The following TUSC3 variants were observed in gnomAD, a reference collection of about 807,000 sequenced individuals.
TUSC3 encodes dolichyl-diphosphooligosaccharide--protein glycosyltransferase subunit TUSC3.
A neutral mutation model predicts 44.8 loss-of-function variants in TUSC3; 45 were observed. The ratio of observed to expected loss-of-function variants is 1.00; its 90% CI spans 0.79 to 1.29. The LOEUF is 1.29. Ranked by LOEUF, TUSC3 falls within the 50% of genes most tolerant of loss-of-function variation. The pLI is 0.00. For synonymous variants in TUSC3, 212 were observed against 152.9 expected, an observed-to-expected ratio of 1.39 and a Z score of -2.85; for missense variants, 519 against 437.9, an observed-to-expected ratio of 1.19 and a Z score of -1.65.
At chr8:15,550,410 C>T (rs1344114738) in intron 1 of TUSC3, among the ~76,000 whole-genome samples, 2 of 151,566 alleles carry the variant, frequency 1.3e-5, no homozygotes, top group Non-Finnish European at 2.9e-5. Context: ...TGTGATTTTA[C>T]AAAATATTGC....
intron 1 of TUSC3, among the ~76,000 whole-genome samples, chr8:15,433,571 T>C (rs555230516): frequency 2.0e-4 from 31 of 151,882 alleles, no homozygotes; most frequent in African/African-American, 7.0e-4. Context: ...TTCACACGTA[T>C]ACACACACAT....
intron 1 of TUSC3, among the ~76,000 whole-genome samples, chr8:15,426,636 G>A (rs28786079): frequency 0.14 from 21,612 of 152,096 alleles, 1,651 homozygotes; most frequent in Middle Eastern, 0.21. Context: ...CCATTCTTCT[G>A]TCAATGGACA....
the TUSC3 span, among the ~76,000 whole-genome samples, chr8:15,793,896 A>G: frequency 2.0e-5 from 3 of 152,186 alleles, no homozygotes; most frequent in African/African-American, 7.2e-5. Flanking sequence ...AAGTATCTCC[A>G]TAATGGGGAA....
intron 10 of TUSC3, among the ~76,000 whole-genome samples, chr8:15,759,653 A>T (rs985281278): frequency 6.6e-6 from 1 of 152,048 alleles, no homozygotes; most frequent in African/African-American, 2.4e-5. Flanking sequence ...TTAGTTGACA[A>T]GCCCCTCTTG....
At chr8:15,457,646 C>G (rs1800274811) in intron 1 of TUSC3, among the ~76,000 whole-genome samples, 1 of 149,830 alleles carries the variant, frequency 6.7e-6, no homozygotes, top group South Asian at 2.1e-4. Context: ...ATTCAAAAGC[C>G]TATCCATAGG....
intron 1 of TUSC3, among the ~76,000 whole-genome samples, chr8:15,440,870 C>T (rs1800012411): frequency 6.6e-6 from 1 of 152,100 alleles, no homozygotes; most frequent in South Asian, 2.1e-4. Flanking sequence ...ACTGCCTCCC[C>T]AGATAGAGAG....
chr8:15,701,150 A>T (rs928897011), intron 6 of TUSC3, among the ~76,000 whole-genome samples: 14 of 152,156 alleles, frequency 9.2e-5, no homozygotes, highest in Admixed American at 4.6e-4. Flanking sequence ...AAATAGCGTA[A>T]TACACAGATC....
At chr8:15,819,386 T>G in the TUSC3 span, among the ~76,000 whole-genome samples, 1 of 16,252 alleles carries the variant, frequency 6.2e-5, no homozygotes, top group South Asian at 2.3e-3. Context: ...TTGGTTTTAT[T>G]GAATTTTCTA....
intron 6 of TUSC3, among the ~76,000 whole-genome samples, chr8:15,720,201 T>TACACACACACACACACACAC (rs60082069): frequency 6.4e-4 from 91 of 141,690 alleles, no homozygotes; most frequent in African/African-American, 2.0e-3. Context: ...TATATATATA[T>TACACACACACACACACACAC]ACACACACAC....
At chr8:15,633,032 C>G (rs914024425) in intron 2 of TUSC3, among the ~76,000 whole-genome samples, 1 of 152,106 alleles carries the variant, frequency 6.6e-6, no homozygotes, top group Non-Finnish European at 1.5e-5. Context: ...CGCTTTACTG[C>G]TGAGGTAGTA....
upstream of TUSC3, among the ~76,000 whole-genome samples, chr8:15,537,079 G>A (rs996604219): frequency 2.0e-5 from 3 of 152,088 alleles, no homozygotes; most frequent in African/African-American, 7.2e-5. Context: ...GATCCAGTAA[G>A]ATAATCAACT....
intron 1 of TUSC3, among the ~76,000 whole-genome samples, chr8:15,480,517 G>T (rs1800643968): frequency 6.6e-6 from 1 of 152,172 alleles, no homozygotes; most frequent in South Asian, 2.1e-4. Context: ...AATGTTAATA[G>T]CAGGAACTCT....
In TUSC3 at chr8:15,603,594, TA is replaced by T. The variant is rs201887415; in HGVS notation, c.139-19481del. Among the ~76,000 whole-genome samples the T allele has an allele frequency of 1.8e-3, 280 of 151,804 alleles. 8 individuals are homozygous for T. The East Asian group carries it at 0.051, about 27-fold the overall frequency. On this transcript the variant is annotated intron_variant, in intron 1 of 10. Coordinates refer to ENST00000503731, the MANE Select transcript of TUSC3 (RefSeq NM_006765.4). ...ATATTGAAATATCATTATTACAATA[TA>T]AAAATATGATATGGTAATATTTTTA... is the stretch of plus-strand genomic sequence containing the variant.
chr8:15,760,488 C>A (rs1812127051), intron 10 of TUSC3, among the ~76,000 whole-genome samples: 1 of 152,038 alleles, frequency 6.6e-6, no homozygotes, highest in African/African-American at 2.4e-5. Context: ...TTTCAGTACA[C>A]CCTGTGGTTT....
intron 1 of TUSC3, among the ~76,000 whole-genome samples, chr8:15,430,010 A>C (rs538641801): frequency 1.3e-5 from 2 of 151,602 alleles, no homozygotes; most frequent in African/African-American, 4.9e-5. Flanking sequence ...AAAAAAATCC[A>C]GGACCAGATG....
intron 1 of TUSC3, among the ~76,000 whole-genome samples, chr8:15,594,316 A>C (rs989190559): frequency 1.3e-5 from 2 of 152,088 alleles, no homozygotes; most frequent in African/African-American, 4.8e-5. Flanking sequence ...GAGCATGTAG[A>C]TTACAGCTTA....
intron 1 of TUSC3, among the ~76,000 whole-genome samples, chr8:15,430,902 C>A (rs921236607): frequency 6.6e-6 from 1 of 151,742 alleles, no homozygotes; most frequent in African/African-American, 2.4e-5. Flanking sequence ...ACACCAGTTA[C>A]TAAAGAGACT....
At chr8:15,458,683 C>T (rs1563256491) in intron 1 of TUSC3, among the ~76,000 whole-genome samples, 1 of 152,290 alleles carries the variant, frequency 6.6e-6, no homozygotes, top group East Asian at 1.9e-4. Context: ...AGTTCGAGTG[C>T]ATGCTCCTCC....
At chr8:15,789,123 C>T in the TUSC3 span, among the ~76,000 whole-genome samples, 1 of 152,192 alleles carries the variant, frequency 6.6e-6, no homozygotes, top group Non-Finnish European at 1.5e-5. Context: ...GCATTATCCA[C>T]ATTTTCCCAG....
Sources: allele counts gnomAD v4.1 joint callset (sites outside exome capture counted in the v4.1 genomes callset), GRCh38; gene constraint gnomAD v4.1.1; transcripts MANE v1.5; gene names NCBI Gene and HGNC (gene_info 2026-07-23, HGNC 2026-07-21).